Variants in PRKAR1B observed in about 807,000 individuals in gnomAD.
PRKAR1B encodes protein kinase cAMP-dependent type I regulatory subunit beta.
A neutral mutation model predicts 46.5 loss-of-function variants in PRKAR1B; 22 were observed. That is an observed-to-expected ratio of 0.47 (90% CI 0.34 to 0.68). The LOEUF is 0.68. Among genes scored for constraint, PRKAR1B ranks in the 30% least tolerant of loss-of-function variants. The pLI is 0.01. For synonymous variants in PRKAR1B, 259 were observed against 217.7 expected, an observed-to-expected ratio of 1.19 and a Z score of -1.67; for missense variants, 445 against 535.6, an observed-to-expected ratio of 0.83 and a Z score of 1.67.
chr7:631,994 C>T (rs750136105), intron 4 of PRKAR1B, among the ~76,000 whole-genome samples: 9 of 152,044 alleles, frequency 5.9e-5, no homozygotes, highest in Non-Finnish European at 1.3e-4. Context: ...CCTTGTGTCC[C>T]GATCTAGAAA....
chr7:588,781 T>G (rs1439343043), intron 7 of PRKAR1B, among the ~76,000 whole-genome samples: 3 of 116,776 alleles, frequency 2.6e-5, no homozygotes, highest in South Asian at 2.9e-4. Context: ...GTGATGGTGG[T>G]GATGGTGGTG....
At chr7:565,494 C>T (rs1779073378) in intron 9 of PRKAR1B, 1 of 152,254 alleles carries the variant, frequency 6.6e-6, no homozygotes, top group Non-Finnish European at 1.5e-5. Context: ...TGGACACTGC[C>T]CATCTTCCCA....
chr7:596,151 G>A lies in PRKAR1B; in HGVS notation c.703C>T (p.Leu235Phe). The A allele has an allele frequency of 1.2e-6, 2 of 1,613,292 alleles. No individual in the cohort carries two copies. Among genetic ancestry groups the A allele is most frequent in the Non-Finnish European group, 8.5e-7 (1 of 1,179,566 alleles). The change falls in exon 7 of 11, where the codon CTT becomes TTT. Residue 235 changes from leucine to phenylalanine, a missense_variant. Transcript: ENST00000537384. ...GTGCTTGGGCACCAACTCACCATAA[G>A]GATGCGCCGGTAGCTGTCCCGGTCG... ...GIDRDSYRRI[L>F]MGSTLRKRKM...
At chr7:630,143 G>C (rs1783651749) in intron 4 of PRKAR1B, among the ~76,000 whole-genome samples, 3 of 152,254 alleles carry the variant, frequency 2.0e-5, no homozygotes, top group Non-Finnish European at 4.4e-5. Flanking sequence ...CTTGGAAGTG[G>C]AGCGCAGTGG....
At chr7:650,781 C>A (rs375786640) in intron 4 of PRKAR1B, among the ~76,000 whole-genome samples, 7 of 152,134 alleles carry the variant, frequency 4.6e-5, no homozygotes, top group African/African-American at 7.2e-5. Flanking sequence ...AGAGACGTCA[C>A]GTCATTTGCC....
At chr7:642,558 T>C (rs1226600474) in intron 4 of PRKAR1B, among the ~76,000 whole-genome samples, 1 of 151,700 alleles carries the variant, frequency 6.6e-6, no homozygotes, top group African/African-American at 2.4e-5. Flanking sequence ...ACCCCGTCTC[T>C]ACTAAAAATA....
At chr7:558,704 A>G (rs921850651) in intron 9 of PRKAR1B, among the ~76,000 whole-genome samples, 5 of 152,078 alleles carry the variant, frequency 3.3e-5, no homozygotes, top group Non-Finnish European at 5.9e-5. Flanking sequence ...GTGAGCCGAG[A>G]TTGCGCCACT....
intron 4 of PRKAR1B, among the ~76,000 whole-genome samples, chr7:675,491 T>C (rs2128504542): frequency 6.6e-6 from 1 of 152,346 alleles, no homozygotes; most frequent in Admixed American, 6.5e-5. Flanking sequence ...ATATGCTCAG[T>C]TAATGTAATA....
Position 707,945 on chromosome 7 carries a change from G to A in PRKAR1B, c.177+3384C>T, listed in dbSNP as rs541422498. 1.5e-4 allele frequency among the ~76,000 whole-genome samples: 23 copies of A among 151,202 alleles called. No individual in the cohort carries two copies. In the South Asian group the frequency reaches 3.2e-3, roughly 21 times the overall value. ...GGAGACACAGAACCTTCTCCCACAC[G>A]GACCCAGAAGGAGCCATCCCACCAC... On this transcript the variant is annotated intron_variant, in intron 2 of 10. Transcript: ENST00000537384.
At chr7:636,957 G>A (rs1784144963) in intron 4 of PRKAR1B, among the ~76,000 whole-genome samples, 1 of 152,184 alleles carries the variant, frequency 6.6e-6, no homozygotes, top group Non-Finnish European at 1.5e-5. Context: ...GGGGGGTGGG[G>A]AGTGCCGGGA....
intron 4 of PRKAR1B, among the ~76,000 whole-genome samples, chr7:670,759 C>A (rs982226799): frequency 6.7e-6 from 1 of 148,454 alleles, no homozygotes; most frequent in South Asian, 2.1e-4. Flanking sequence ...AGCTCCCCCA[C>A]GCCACGGCAT....
At chr7:689,296 T>C (rs943537427) in intron 2 of PRKAR1B, among the ~76,000 whole-genome samples, 1 of 151,786 alleles carries the variant, frequency 6.6e-6, no homozygotes, top group Non-Finnish European at 1.5e-5. Context: ...TAATTTTTTG[T>C]ATTTTTAGTA....
intron 9 of PRKAR1B, among the ~76,000 whole-genome samples, chr7:554,711 G>A (rs946565441): frequency 6.1e-5 from 9 of 148,182 alleles, no homozygotes; most frequent in Non-Finnish European, 1.1e-4. Flanking sequence ...GGGAGGCCAC[G>A]GATCCCACAG....
At chr7:668,994 G>C (rs572428473) in intron 4 of PRKAR1B, among the ~76,000 whole-genome samples, 4 of 152,170 alleles carry the variant, frequency 2.6e-5, no homozygotes, top group African/African-American at 9.6e-5. Context: ...ATCAGCATCT[G>C]CCCAGGAGAC....
chr7:705,710 A>C (rs1038205993), intron 2 of PRKAR1B, among the ~76,000 whole-genome samples: 1 of 152,158 alleles, frequency 6.6e-6, no homozygotes, highest in Non-Finnish European at 1.5e-5. Context: ...CGGCAATAAA[A>C]ATGCAGGACC....
At chr7:562,291 T>C (rs1778852944) in intron 9 of PRKAR1B, among the ~76,000 whole-genome samples, 1 of 109,476 alleles carries the variant, frequency 9.1e-6, no homozygotes, top group South Asian at 3.8e-4. Context: ...CCCAGGCACC[T>C]CTCAGGGTGG....
rs200520720 is a variant in PRKAR1B, at chr7:683,559, G to C, written c.178-2833C>G. Reference sequence around the variant, plus strand: ...AAACAAATGACTGTCTCCCCAGCCTGTTAAAACTGGGACATGGGTGGGAGC... The same window carrying C: ...AAACAAATGACTGTCTCCCCAGCCTCTTAAAACTGGGACATGGGTGGGAGC... On this transcript the variant is annotated intron_variant, in intron 2 of 10. Transcript: ENST00000537384. Among the ~76,000 whole-genome samples the C allele has an allele frequency of 1.2e-4, 19 of 152,334 alleles. No homozygotes were observed. In the East Asian group the frequency reaches 3.7e-3, roughly 29 times the overall value.
rs550672165 is a variant in PRKAR1B at position 617,025 on chromosome 7, G to A, written c.441-9573C>T. Among the ~76,000 whole-genome samples, 411 of 117,514 alleles carry A rather than the reference G, an allele frequency of 3.5e-3. 1 individual carries two copies. Among genetic ancestry groups the A allele is most frequent in the African/African-American group, 0.013 (394 of 30,616 alleles). 77.1% of individuals were successfully genotyped at this position (117,514 alleles called of 152,430 possible). On this transcript the variant is annotated intron_variant, in intron 4 of 10. Coordinates refer to ENST00000537384, the MANE Select transcript of PRKAR1B (RefSeq NM_001164760.2). ...TTTTTTTTTTTTGAGACAGAGTCTC[G>A]CCCTGTCGACCAGGCTGGAGTATAA...
At chr7:718,295 C>G (rs11491888) in intron 1 of PRKAR1B, among the ~76,000 whole-genome samples, 2 of 135,698 alleles carry the variant, frequency 1.5e-5, no homozygotes, top group Admixed American at 7.3e-5. Context: ...CACACACACA[C>G]ATACACATAT....
Sources: gnomAD v4.1 joint callset for allele counts (sites outside exome capture counted in the v4.1 genomes callset) on GRCh38, gnomAD v4.1.1 for gene constraint, MANE v1.5 for transcripts, NCBI Gene and HGNC (gene_info 2026-07-23, HGNC 2026-07-21) for gene names.